Variants in ZNF385B observed in about 807,000 individuals in gnomAD.
The protein encoded by ZNF385B is zinc finger protein 533.
ZNF385B carries 23 observed loss-of-function variants against 39.2 expected under a neutral mutation model. That is an observed-to-expected ratio of 0.59 (90% CI 0.42 to 0.83). The LOEUF (loss-of-function observed/expected upper bound fraction) is 0.83. Among genes scored for constraint, ZNF385B ranks in the 40% least tolerant of loss-of-function variants. The probability of loss-of-function intolerance (pLI) is 0.00; values close to 1 mark genes in which losing one functional copy is unlikely to be tolerated. For missense variants in ZNF385B, 552 were observed against 598.9 expected (o/e 0.92, Z 0.82); for synonymous variants, 205 against 222.6 (o/e 0.92, Z 0.70).
chr2:179,854,073 T>C (rs1684390857), intron 1 of ZNF385B, among the ~76,000 whole-genome samples: 1 of 152,196 alleles, frequency 6.6e-6, no homozygotes, highest in African/African-American at 2.4e-5. Context: ...AATGGCTGTA[T>C]TTATATACCA....
At chr2:179,446,839 A>C in intron 6 of ZNF385B, 69 bp from the exon 7 acceptor site, 1 of 1,500,494 alleles carries the variant, frequency 6.7e-7, no homozygotes, top group East Asian at 2.3e-5. Flanking sequence ...ATCACCATAG[A>C]TGAATTAAAA....
intron 4 of ZNF385B, among the ~76,000 whole-genome samples, chr2:179,541,191 T>C (rs968990754): frequency 6.6e-6 from 1 of 152,220 alleles, no homozygotes; most frequent in African/African-American, 2.4e-5. Flanking sequence ...ACTCTGCTTA[T>C]ACAAAGACTA....
At chr2:179,676,821 G>A (rs1022399385) in intron 3 of ZNF385B, among the ~76,000 whole-genome samples, 2 of 152,126 alleles carry the variant, frequency 1.3e-5, no homozygotes, top group Admixed American at 6.5e-5. Context: ...AGTGCTTACT[G>A]GTATCTAATG....
At chr2:179,603,055 C>T (rs1283695539) in intron 3 of ZNF385B, among the ~76,000 whole-genome samples, 1 of 152,124 alleles carries the variant, frequency 6.6e-6, no homozygotes, top group Non-Finnish European at 1.5e-5. Context: ...TAATTTTCTT[C>T]CTCATCGATT....
intron 1 of ZNF385B, among the ~76,000 whole-genome samples, chr2:179,847,367 A>T (rs7605887): frequency 0.027 from 4,085 of 152,304 alleles, 170 homozygotes; most frequent in African/African-American, 0.093. Context: ...GAGAGAGGTC[A>T]ATTTTCCATG....
intron 1 of ZNF385B, among the ~76,000 whole-genome samples, chr2:179,812,287 T>C (rs1706784407): frequency 6.6e-6 from 1 of 152,186 alleles, no homozygotes; most frequent in Non-Finnish European, 1.5e-5. Flanking sequence ...ATCCCATTAC[T>C]GGGTATCTAG....
chr2:179,640,595 A>G lies in ZNF385B; in HGVS notation c.299-95626T>C, dbSNP rs543880317. ...TGCAGTAGGATATGGTTTGAAATTG[A>G]TCAAAATAAAAAGAAAATTATAATG... On this transcript the variant is annotated intron_variant, in intron 3 of 9. Transcript: ENST00000410066. 3.3e-5 allele frequency among the ~76,000 whole-genome samples: 5 copies of G among 152,142 alleles called. No individual in the cohort carries two copies. The South Asian group carries it at 1.0e-3, about 32-fold the overall frequency.
At position 179,684,229 on chromosome 2, in the gene ZNF385B, G is replaced by A. The variant is rs79322962; in HGVS notation, c.298+85274C>T. Among the ~76,000 whole-genome samples, 803 of 152,232 alleles carry A rather than the reference G, an allele frequency of 5.3e-3. 5 individuals are homozygous for A. The highest frequency in any genetic ancestry group is 0.018 in the African/African-American group (759 of 41,530). On this transcript the variant is annotated intron_variant, in intron 3 of 9. Transcript: ENST00000410066. ...TCATTCTCAATGTGTGTTCTGAATC[G>A]CCTTTGTGTTCACATTAGAAATAAT...
At chr2:179,591,135 C>T (rs1387270115) in intron 3 of ZNF385B, among the ~76,000 whole-genome samples, 1 of 121,968 alleles carries the variant, frequency 8.2e-6, no homozygotes, top group Non-Finnish European at 1.8e-5. Context: ...ACAATTCAAA[C>T]CCCTAGAAAG....
At chr2:179,526,488 G>A (rs140412242) in intron 4 of ZNF385B, among the ~76,000 whole-genome samples, 19,583 of 151,714 alleles carry the variant, frequency 0.13, 1,684 homozygotes, top group East Asian at 0.37. Flanking sequence ...CCAGCTACTC[G>A]GGAGGCTGAG....
chr2:179,572,589 T>C (rs1292363581), intron 3 of ZNF385B, among the ~76,000 whole-genome samples: 1 of 152,134 alleles, frequency 6.6e-6, no homozygotes, highest in East Asian at 1.9e-4. Context: ...TGACAACTGA[T>C]TGGAGACAGG....
intron 5 of ZNF385B, among the ~76,000 whole-genome samples, chr2:179,493,019 T>A (rs777011586): frequency 3.9e-5 from 6 of 152,154 alleles, no homozygotes; most frequent in Non-Finnish European, 7.4e-5. Flanking sequence ...TCTATAACTT[T>A]GATTCACCGA....
At chr2:179,572,391 T>C (rs1427429241) in intron 3 of ZNF385B, among the ~76,000 whole-genome samples, 1 of 151,764 alleles carries the variant, frequency 6.6e-6, no homozygotes, top group Non-Finnish European at 1.5e-5. Flanking sequence ...AGATACAGAG[T>C]GCTAGTGTGG....
intron 3 of ZNF385B, among the ~76,000 whole-genome samples, chr2:179,717,619 C>T (rs1161717180): frequency 2.0e-5 from 3 of 152,092 alleles, no homozygotes; most frequent in Non-Finnish European, 4.4e-5. Flanking sequence ...GCCTGTAGTC[C>T]CAGCTATTAA....
At chr2:179,651,138 A>AT (rs11339594) in intron 3 of ZNF385B, among the ~76,000 whole-genome samples, 2,069 of 149,140 alleles carry the variant, frequency 0.014, 53 homozygotes, top group African/African-American at 0.048. Flanking sequence ...TTCTCCCAAG[A>AT]TTTTTTTTTT....
intron 1 of ZNF385B, among the ~76,000 whole-genome samples, chr2:179,840,022 T>C (rs1374542053): frequency 6.6e-6 from 1 of 152,190 alleles, no homozygotes; most frequent in Non-Finnish European, 1.5e-5. Context: ...GAGGTCAGCT[T>C]CCCAGAGCAC....
chr2:179,752,762 C>G (rs1455900327), intron 3 of ZNF385B, among the ~76,000 whole-genome samples: 1 of 152,014 alleles, frequency 6.6e-6, no homozygotes, highest in African/African-American at 2.4e-5. Context: ...ATACTTCACC[C>G]ACTTTGTGAT....
chr2:179,472,650 T>C (rs895014911), intron 6 of ZNF385B, among the ~76,000 whole-genome samples: 1 of 152,236 alleles, frequency 6.6e-6, no homozygotes, highest in African/African-American at 2.4e-5. Context: ...GGAAAGTGTT[T>C]TGCAAAAGCT....
intron 4 of ZNF385B, among the ~76,000 whole-genome samples, chr2:179,529,115 A>T (rs2059107953): frequency 2.6e-5 from 4 of 152,214 alleles, no homozygotes; most frequent in Admixed American, 6.5e-5. Flanking sequence ...AGTAAACTAA[A>T]TAACTGAAAT....
Sources: gnomAD v4.1 joint callset for allele counts (sites outside exome capture counted in the v4.1 genomes callset) on GRCh38, gnomAD v4.1.1 for gene constraint, MANE v1.5 for transcripts, NCBI Gene and HGNC (gene_info 2026-07-23, HGNC 2026-07-21) for gene names.